The following UTRN variants were observed in gnomAD, a reference collection of about 807,000 sequenced individuals.
The protein encoded by UTRN is dystrophin-related protein 1.
Under a neutral mutation model 463.9 loss-of-function variants are expected in UTRN, and 283 were observed. That is an observed-to-expected ratio of 0.61 (90% confidence interval 0.55 to 0.67). The LOEUF is 0.67. Ranked by LOEUF, UTRN falls within the 30% of genes least tolerant of loss-of-function variation. The probability of loss-of-function intolerance (pLI) is 0.00; values close to 1 mark genes in which losing one functional copy is unlikely to be tolerated. For synonymous variants in UTRN, 1,442 were observed against 1,431.5 expected (o/e 1.01, Z -0.17); for missense variants, 3,922 against 4,084.3 (o/e 0.96, Z 1.08).
chr6:144,485,339 T>C lies in UTRN; in HGVS notation c.3688-46T>C, dbSNP rs1411834530. 4 of 1,611,548 alleles carry C rather than the reference T, an allele frequency of 2.5e-6. No individual in the cohort carries two copies. In the African/African-American group the frequency reaches 4.0e-5, roughly 16 times the overall value. On this transcript the variant is annotated intron_variant, in intron 27 of 74. Coordinates refer to ENST00000367545, the MANE Select transcript of UTRN (RefSeq NM_007124.3). ...AGAATGTGTAGTACTAGAGATACGA[T>C]GTGTGAAATGGCTTTTTGTCTAATT...
At chr6:144,732,336 C>T (rs1259187495) in intron 54 of UTRN, among the ~76,000 whole-genome samples, 1 of 148,666 alleles carries the variant, frequency 6.7e-6, no homozygotes, top group Non-Finnish European at 1.5e-5. Flanking sequence ...CACACACGTA[C>T]ATACTCATGT....
intron 2 of UTRN, among the ~76,000 whole-genome samples, chr6:144,388,541 A>C (rs1457035127): frequency 6.6e-6 from 1 of 150,784 alleles, no homozygotes; most frequent in Non-Finnish European, 1.5e-5. Flanking sequence ...TCACTCACCC[A>C]AACTGGAGTG....
chr6:144,386,769 A>G (rs1308991416), intron 2 of UTRN, among the ~76,000 whole-genome samples: 3 of 152,014 alleles, frequency 2.0e-5, no homozygotes, highest in Non-Finnish European at 4.4e-5. Flanking sequence ...CGGATGTGCA[A>G]TTTTACAAAT....
intron 65 of UTRN, among the ~76,000 whole-genome samples, chr6:144,804,999 C>T (rs574520711): frequency 6.6e-6 from 1 of 152,088 alleles, no homozygotes; most frequent in African/African-American, 2.4e-5. Context: ...AAGGGTCATC[C>T]TAGGGATGTG....
intron 66 of UTRN, among the ~76,000 whole-genome samples, chr6:144,823,381 T>C (rs1779767219): frequency 6.6e-6 from 1 of 152,044 alleles, no homozygotes; most frequent in Non-Finnish European, 1.5e-5. Context: ...GGTGTAACAA[T>C]TTATGTGAGT....
At chr6:144,441,820 A>T (rs1370989371) in intron 13 of UTRN, among the ~76,000 whole-genome samples, 1 of 152,118 alleles carries the variant, frequency 6.6e-6, no homozygotes, top group East Asian at 1.9e-4. Flanking sequence ...ATGTTCCCAA[A>T]CCTCAATTCT....
chr6:144,827,596 T>C lies in UTRN; in HGVS notation c.9534-15T>C. 6.2e-7 allele frequency: 1 copy of C among 1,613,390 alleles called. No homozygotes were observed. The highest frequency in any genetic ancestry group is 8.5e-7 in the Non-Finnish European group (1 of 1,179,652). ...TTTGGGCATAAAATTATTGCTTTGTTTTTTTCTTTTAAAGCCCCTCACAAT... is the reference window on the plus strand; with the variant it reads ...TTTGGGCATAAAATTATTGCTTTGTCTTTTTCTTTTAAAGCCCCTCACAAT... On this transcript the variant is annotated splice_polypyrimidine_tract_variant and intron_variant, in intron 67 of 74. Coordinates refer to ENST00000367545, the MANE Select transcript of UTRN (RefSeq NM_007124.3).
chr6:144,596,801 C>G (rs1380037758), intron 51 of UTRN, among the ~76,000 whole-genome samples: 1 of 152,096 alleles, frequency 6.6e-6, no homozygotes, highest in Non-Finnish European at 1.5e-5. Flanking sequence ...TTATAGGTAA[C>G]AACAACCCTA....
chr6:144,288,838 A>G (rs1803938962), intron 1 of UTRN, among the ~76,000 whole-genome samples: 1 of 141,242 alleles, frequency 7.1e-6, no homozygotes, highest in Non-Finnish European at 1.5e-5. Context: ...ATCTTGGCCC[A>G]CTGCAACCTT....
chr6:144,470,842 C>G (rs966909270), intron 23 of UTRN, among the ~76,000 whole-genome samples: 3 of 151,842 alleles, frequency 2.0e-5, no homozygotes, highest in East Asian at 1.9e-4. Context: ...CCGGCCAACA[C>G]GGCGAAACCC....
chr6:144,514,061 C>T (rs761735966), intron 36 of UTRN, 24 bp downstream of exon 36: 51 of 1,612,440 alleles, frequency 3.2e-5, no homozygotes, highest in Non-Finnish European at 3.7e-5. Flanking sequence ...ACATCAGTAA[C>T]GCTTTTGGGA....
chr6:144,802,189 C>G (rs916824635), intron 64 of UTRN, among the ~76,000 whole-genome samples: 2 of 152,124 alleles, frequency 1.3e-5, no homozygotes, highest in South Asian at 4.1e-4. Context: ...CAAGAGATGT[C>G]GTTAGTGTAT....
chr6:144,725,384 T>G (rs1787759187), intron 53 of UTRN, among the ~76,000 whole-genome samples: 2 of 152,248 alleles, frequency 1.3e-5, no homozygotes, highest in African/African-American at 4.8e-5. Flanking sequence ...GAGAATGGAC[T>G]AATACAGGTT....
intron 25 of UTRN, among the ~76,000 whole-genome samples, chr6:144,477,303 A>G (rs1334214259): frequency 6.6e-6 from 1 of 152,200 alleles, no homozygotes; most frequent in African/African-American, 2.4e-5. Context: ...CGTAAATAGT[A>G]CGTATTTCTT....
At chr6:144,697,483 G>T (rs960725143) in intron 52 of UTRN, among the ~76,000 whole-genome samples, 2 of 152,118 alleles carry the variant, frequency 1.3e-5, no homozygotes, top group African/African-American at 4.8e-5. Context: ...CAAGATGAAA[G>T]AATTAAAATG....
chr6:144,524,335 C>A (rs973227036), intron 41 of UTRN, among the ~76,000 whole-genome samples: 3 of 151,702 alleles, frequency 2.0e-5, no homozygotes, highest in Non-Finnish European at 4.4e-5. Context: ...CATTTTAAAC[C>A]CCTGTATTAT....
chr6:144,828,542 A>C (rs1032548492), intron 68 of UTRN, among the ~76,000 whole-genome samples: 1 of 152,194 alleles, frequency 6.6e-6, no homozygotes, highest in African/African-American at 2.4e-5. Flanking sequence ...TGGGAGCTCA[A>C]TTAGAAGATT....
intron 39 of UTRN, 22 bp from the exon 40 acceptor site, chr6:144,521,951 ATATATTT>A: frequency 8.3e-7 from 1 of 1,207,074 alleles, no homozygotes; most frequent in Non-Finnish European, 1.1e-6. Context: ...ATATATATAT[ATATATTT>A]TTTTTTTTGC....
chr6:144,758,518 T>C (rs186459635), intron 58 of UTRN, among the ~76,000 whole-genome samples: 1 of 152,292 alleles, frequency 6.6e-6, no homozygotes, highest in Admixed American at 6.5e-5. Flanking sequence ...CTTTGTCTTA[T>C]AGAAGTTATC....
Sources: allele counts gnomAD v4.1 joint callset (sites outside exome capture counted in the v4.1 genomes callset), GRCh38; gene constraint gnomAD v4.1.1; transcripts MANE v1.5; gene names NCBI Gene and HGNC (gene_info 2026-07-23, HGNC 2026-07-21).